The following CDH9 variants were observed in gnomAD, a reference collection of about 807,000 sequenced individuals.
The protein encoded by CDH9 is cadherin-9.
In CDH9, 28 loss-of-function variants were observed where a neutral mutation model predicts 70.9. That is an observed-to-expected ratio of 0.40 (90% CI 0.29 to 0.54). The LOEUF (loss-of-function observed/expected upper bound fraction) is 0.54, where lower values mean the gene tolerates loss of function less well. Among genes scored for constraint, CDH9 ranks in the 20% least tolerant of loss-of-function variants. CDH9 has a pLI of 0.59. For synonymous variants in CDH9, 409 were observed against 343.1 expected (o/e 1.19, Z -2.12); for missense variants, 874 against 984.4 (o/e 0.89, Z 1.50).
chr5:26,987,974 T>A, intron 2 of CDH9, 132 bp downstream of exon 2: 2 of 648,774 alleles, frequency 3.1e-6, no homozygotes, highest in Non-Finnish European at 5.2e-6. Flanking sequence ...CTAAAATAGT[T>A]TGCAATATCA....
At chr5:26,920,545 C>T (rs2112011139) in intron 2 of CDH9, among the ~76,000 whole-genome samples, 1 of 152,144 alleles carries the variant, frequency 6.6e-6, no homozygotes, top group East Asian at 2.0e-4. Flanking sequence ...GCAGTGGTTA[C>T]TGTGGGCCTT....
chr5:27,018,370 CAG>C (rs1370075674), intron 1 of CDH9, among the ~76,000 whole-genome samples: 3 of 151,452 alleles, frequency 2.0e-5, no homozygotes, highest in African/African-American at 7.3e-5. Context: ...ATATAAAATT[CAG>C]AGATAAAAAT....
chr5:27,017,986 A>G (rs1178740541), intron 1 of CDH9, among the ~76,000 whole-genome samples: 1 of 151,948 alleles, frequency 6.6e-6, no homozygotes, highest in Non-Finnish European at 1.5e-5. Flanking sequence ...AATGCTTTAT[A>G]TGTGACGGTA....
At chr5:27,005,272 T>G (rs540167073) in intron 1 of CDH9, among the ~76,000 whole-genome samples, 1 of 152,140 alleles carries the variant, frequency 6.6e-6, no homozygotes, top group Admixed American at 6.6e-5. Flanking sequence ...ATTAGTCATA[T>G]GCAACCTAGG....
chr5:26,990,476 G>A (rs994974895), intron 1 of CDH9, among the ~76,000 whole-genome samples: 1 of 152,112 alleles, frequency 6.6e-6, no homozygotes, highest in Non-Finnish European at 1.5e-5. Context: ...CTCAGGTCAT[G>A]GTTATTATCA....
intron 1 of CDH9, among the ~76,000 whole-genome samples, chr5:27,032,272 A>G (rs1743321991): frequency 6.6e-6 from 1 of 151,608 alleles, no homozygotes; most frequent in South Asian, 2.1e-4. Context: ...AAATATATTT[A>G]TTACAAGTGT....
At chr5:26,898,800 C>A (rs4507457) in intron 7 of CDH9, among the ~76,000 whole-genome samples, 2,011 of 152,194 alleles carry the variant, frequency 0.013, 43 homozygotes, top group African/African-American at 0.046. Context: ...GCAATGACAA[C>A]AAAAGCCAAA....
At chr5:26,992,770 A>G (rs1742598059) in intron 1 of CDH9, among the ~76,000 whole-genome samples, 1 of 152,096 alleles carries the variant, frequency 6.6e-6, no homozygotes, top group South Asian at 2.1e-4. Flanking sequence ...AAGAAAAGAG[A>G]ACAATAGAGA....
At chr5:26,907,639 G>A (rs1241494016) in intron 3 of CDH9, among the ~76,000 whole-genome samples, 2 of 151,942 alleles carry the variant, frequency 1.3e-5, no homozygotes, top group Non-Finnish European at 2.9e-5. Flanking sequence ...TTTAAAAGCA[G>A]GGATCAGCAT....
chr5:26,880,860 C>A lies in CDH9; in HGVS notation c.*276G>T. On this transcript the variant is annotated 3_prime_UTR_variant, in exon 12 of 12. Coordinates refer to ENST00000231021, the MANE Select transcript of CDH9 (RefSeq NM_016279.4). ...ATACCTAAGAAAAGGCACAAAAAGC[C>A]TTTTACTTATTTTTATTGATTATTG... 4.0e-6 allele frequency: 1 copy of A among 250,530 alleles called. No individual in the cohort carries two copies. The highest frequency in any genetic ancestry group is 7.6e-6 in the Non-Finnish European group (1 of 132,266). The allele number at this position is 250,530 out of a possible 1,614,324, so 15.5% of individuals were successfully genotyped here.
intron 1 of CDH9, among the ~76,000 whole-genome samples, chr5:26,994,113 A>G (rs530471130): frequency 1.3e-5 from 2 of 152,134 alleles, no homozygotes; most frequent in Non-Finnish European, 2.9e-5. Context: ...TTGAGAGCAC[A>G]TTACCTGCTT....
chr5:26,890,661 A>G, intron 7 of CDH9, 97 bp from the exon 8 acceptor site: 2 of 825,428 alleles, frequency 2.4e-6, no homozygotes, highest in Non-Finnish European at 3.9e-6. Flanking sequence ...TGATCTGACA[A>G]AGACATGAAA....
chr5:27,012,719 T>C (rs890367402), intron 1 of CDH9, among the ~76,000 whole-genome samples: 3 of 152,062 alleles, frequency 2.0e-5, no homozygotes, highest in Admixed American at 2.0e-4. Flanking sequence ...TGTAAAAATG[T>C]ACTCTAACTT....
chr5:26,941,503 A>T lies in CDH9; in HGVS notation c.229-25579T>A, dbSNP rs551768591. 1.2e-3 allele frequency among the ~76,000 whole-genome samples: 179 copies of T among 152,320 alleles called. 1 individual carries two copies. The highest frequency in any genetic ancestry group is 1.7e-3 in the Non-Finnish European group (113 of 68,028). On this transcript the variant is annotated intron_variant, in intron 2 of 11. Coordinates refer to ENST00000231021, the MANE Select transcript of CDH9 (RefSeq NM_016279.4). ...TGCTCCCTGTCATTGTGACACAGAA[A>T]ATATGAACCAGACTATTGCCTATCA...
chr5:26,925,216 G>C (rs1265480363), intron 2 of CDH9, among the ~76,000 whole-genome samples: 1 of 152,030 alleles, frequency 6.6e-6, no homozygotes, highest in Non-Finnish European at 1.5e-5. Context: ...AGCATCTCTT[G>C]TTTCCTGACT....
intron 2 of CDH9, among the ~76,000 whole-genome samples, chr5:26,937,909 T>C (rs1579462708): frequency 6.6e-6 from 1 of 151,992 alleles, no homozygotes; most frequent in Non-Finnish European, 1.5e-5. Context: ...ATGCAAGACA[T>C]TATCCATTTG....
At chr5:27,025,080 T>C (rs577416969) in intron 1 of CDH9, among the ~76,000 whole-genome samples, 2 of 152,220 alleles carry the variant, frequency 1.3e-5, no homozygotes, top group South Asian at 4.1e-4. Flanking sequence ...ATCTTAAAAA[T>C]CCAAATTGGG....
chr5:26,954,384 C>CTTTTTTTTTTTTTTTTTT (rs141394776), intron 2 of CDH9, among the ~76,000 whole-genome samples: 1 of 18,350 alleles, frequency 5.4e-5, no homozygotes, highest in African/African-American at 1.3e-4. Flanking sequence ...ATTATACAGC[C>CTTTTTTTTTTTTTTTTTT]TTTCTTTTTT....
chr5:27,036,264 A>C (rs999976976), intron 1 of CDH9, among the ~76,000 whole-genome samples: 2 of 152,012 alleles, frequency 1.3e-5, no homozygotes, highest in East Asian at 3.9e-4. Flanking sequence ...GCATTGGCTA[A>C]GCTTGGCATG....
Sources: allele counts gnomAD v4.1 joint callset (sites outside exome capture counted in the v4.1 genomes callset), GRCh38; gene constraint gnomAD v4.1.1; transcripts MANE v1.5; gene names NCBI Gene and HGNC (gene_info 2026-07-23, HGNC 2026-07-21).